The following CEACAM18 variants were observed in gnomAD, a reference collection of about 807,000 sequenced individuals.
CEACAM18 encodes CEA cell adhesion molecule 18.
A neutral mutation model predicts 34.3 loss-of-function variants in CEACAM18; 33 were observed. That is an observed-to-expected ratio of 0.96 (90% CI 0.73 to 1.29). The LOEUF is 1.29. Ranked by LOEUF, CEACAM18 falls within the 50% of genes most tolerant of loss-of-function variation. CEACAM18 has a pLI of 0.00. For synonymous variants in CEACAM18, 169 were observed against 180.9 expected (o/e 0.93, Z 0.53); for missense variants, 474 against 485.0 (o/e 0.98, Z 0.21).
At chr19:51,483,588 T>TTA (rs1989954547) in intron 4 of CEACAM18, among the ~76,000 whole-genome samples, 1 of 127,972 alleles carries the variant, frequency 7.8e-6, no homozygotes, top group Admixed American at 7.4e-5. Context: ...CTCTCACCAT[T>TTA]TCTCTGGAGT....
At chr19:51,486,439 TGCCC>T (rs1446989419) in intron 5 of CEACAM18, among the ~76,000 whole-genome samples, 5 of 152,110 alleles carry the variant, frequency 3.3e-5, no homozygotes, top group African/African-American at 1.2e-4. Flanking sequence ...TGCATCATTG[TGCCC>T]GGAGGAAGCT....
At chr19:51,491,272 C>A, downstream of CEACAM18, 1 of 162,528 alleles carries the variant, frequency 6.2e-6, no homozygotes, top group Non-Finnish European at 1.3e-5. Context: ...TTGAAATATT[C>A]AATACATTAT....
At chr19:51,480,717 G>A (rs755543470) in intron 2 of CEACAM18, 37 bp downstream of exon 2, 1 of 1,560,526 alleles carries the variant, frequency 6.4e-7, no homozygotes, top group Non-Finnish European at 8.7e-7. Context: ...AACCCCCAAG[G>A]AGAGCTAGAT....
At chr19:51,481,644 C>A (rs201111440) in exon 3 of CEACAM18, 3 of 1,613,020 alleles carry the variant, frequency 1.9e-6, no homozygotes, top group South Asian at 1.1e-5. Flanking sequence ...GAGAAGTGAA[C>A]GCATCTCTCT....
rs141945277 is a variant in CEACAM18 at position 51,481,129 on chromosome 19, A to C, written c.401-264A>C. 4.8e-3 allele frequency among the ~76,000 whole-genome samples: 728 copies of C among 152,286 alleles called. 1 individual carries two copies. Among genetic ancestry groups the C allele is most frequent in the Non-Finnish European group, 7.2e-3 (493 of 68,016 alleles). On this transcript the variant is annotated intron_variant, in intron 2 of 5. Transcript: ENST00000396477. ...GGTCCTGGTTTGGAGGATCAGAAACAATGATTAGGCCACATGTTTATGCCA... is the reference window on the plus strand; with the variant it reads ...GGTCCTGGTTTGGAGGATCAGAAACCATGATTAGGCCACATGTTTATGCCA...
At chr19:51,478,630 C>A in exon 1 of CEACAM18, 1 of 1,570,888 alleles carries the variant, frequency 6.4e-7, no homozygotes, top group South Asian at 1.2e-5. Flanking sequence ...TCCTGGAGGA[C>A]CCCAGGCAGC....
intron 3 of CEACAM18, among the ~76,000 whole-genome samples, chr19:51,481,964 C>T (rs757324950): frequency 5.3e-5 from 8 of 152,178 alleles, no homozygotes; most frequent in Admixed American, 2.6e-4. Flanking sequence ...GAGGGGACTA[C>T]TGAATACCAT....
chr19:51,481,695 C>T, intron 3 of CEACAM18, 30 bp downstream of exon 3: 1 of 1,594,618 alleles, frequency 6.3e-7, no homozygotes, highest in Admixed American at 1.7e-5. Context: ...GGGACTGAAG[C>T]CAGGGCTGGT....
intron 5 of CEACAM18, 57 bp downstream of exon 5, chr19:51,485,179 A>T (rs1463134821): frequency 1.2e-5 from 17 of 1,430,666 alleles, no homozygotes; most frequent in Non-Finnish European, 1.6e-5. Context: ...GGGACTCAGG[A>T]GCCAGCCCTC....
rs527650478 is a variant in CEACAM18 at position 51,482,177 on chromosome 19, T to A, written c.673+512T>A. Among the ~76,000 whole-genome samples the A allele has an allele frequency of 6.2e-4, 95 of 152,282 alleles. 1 individual carries two copies. The highest frequency in any genetic ancestry group is 9.6e-4 in the East Asian group (5 of 5,182). ...ATGCATTCCATACATTCTTTTTTTT[T>A]TATAGCCTTTTAGCTGCCTACCGGG... On this transcript the variant is annotated intron_variant, in intron 3 of 5. Coordinates refer to ENST00000396477, the Ensembl canonical transcript of CEACAM18.
intron 2 of CEACAM18, 28 bp from the exon 3 acceptor site, chr19:51,481,365 A>G: frequency 1.2e-6 from 2 of 1,605,910 alleles, no homozygotes; most frequent in Non-Finnish European, 1.7e-6. Flanking sequence ...CCCACTTGTA[A>G]TTTTTTTCTC....
At chr19:51,486,714 C>CTT (rs1990008293) in intron 5 of CEACAM18, among the ~76,000 whole-genome samples, 2 of 137,994 alleles carry the variant, frequency 1.4e-5, no homozygotes, top group Non-Finnish European at 3.0e-5. Flanking sequence ...TTCTTTCTTT[C>CTT]TTTTCTTTCT....
At chr19:51,488,820 G>A (rs1033372562) in intron 5 of CEACAM18, among the ~76,000 whole-genome samples, 1 of 152,110 alleles carries the variant, frequency 6.6e-6, no homozygotes, top group African/African-American at 2.4e-5. Flanking sequence ...TCTGTTTTAC[G>A]GAATGGATTC....
intron 5 of CEACAM18, among the ~76,000 whole-genome samples, chr19:51,486,715 TTTTCTTTC>T (rs1416544750): frequency 2.1e-5 from 3 of 140,200 alleles, no homozygotes; most frequent in Admixed American, 1.4e-4. Flanking sequence ...TCTTTCTTTC[TTTTCTTTC>T]TTTTTTTTTT....
In CEACAM18 at chr19:51,483,457, G is replaced by C. The variant is rs970511050; in HGVS notation, c.953+161G>C. 4 of 828,142 alleles carry C rather than the reference G, an allele frequency of 4.8e-6. No homozygotes were observed. In the African/African-American group the frequency reaches 5.1e-5, roughly 11 times the overall value. The allele number at this position is 828,142 out of a possible 1,614,324, so 51.3% of individuals were successfully genotyped here. A position where few individuals can be genotyped will look rare whatever the true frequency, so the allele number is the denominator to read the frequency against. ...TTCTCTGAGGTCTGGGTCCAAAGCTGCCTCCTCTGTGAATCCTCTGGAGTC... is the reference window on the plus strand; with the variant it reads ...TTCTCTGAGGTCTGGGTCCAAAGCTCCCTCCTCTGTGAATCCTCTGGAGTC... On this transcript the variant is annotated intron_variant, in intron 4 of 5. Coordinates refer to ENST00000396477, the Ensembl canonical transcript of CEACAM18.
upstream of CEACAM18, chr19:51,478,580 G>T: frequency 7.0e-7 from 1 of 1,418,468 alleles, no homozygotes; most frequent in Non-Finnish European, 9.8e-7. Context: ...GGTCTTGGAG[G>T]GAGCAGAGGA....
intron 5 of CEACAM18, among the ~76,000 whole-genome samples, chr19:51,486,867 G>A (rs1183362164): frequency 1.3e-5 from 2 of 150,374 alleles, no homozygotes; most frequent in African/African-American, 4.9e-5. Flanking sequence ...ACAGGCGCCC[G>A]CCACCACACC....
chr19:51,484,909 T>C, intron 4 of CEACAM18, 78 bp from the exon 5 acceptor site: 1 of 1,479,588 alleles, frequency 6.8e-7, no homozygotes, highest in Non-Finnish European at 9.1e-7. Flanking sequence ...AGAATGGATA[T>C]GTGGGTGGGT....
At chr19:51,481,545 C>T in exon 3 of CEACAM18, 1 of 1,613,978 alleles carries the variant, frequency 6.2e-7, no homozygotes, top group Non-Finnish European at 8.5e-7. Context: ...GACAATTTCC[C>T]CAGACGGCAA....
Sources: allele counts gnomAD v4.1 joint callset (sites outside exome capture counted in the v4.1 genomes callset), GRCh38; gene constraint gnomAD v4.1.1; transcripts MANE v1.5; gene names NCBI Gene and HGNC (gene_info 2026-07-23, HGNC 2026-07-21).